ABCC3: variants seen among roughly 807,000 people sequenced by gnomAD.
ABCC3 encodes the protein ATP-binding cassette sub-family C member 3.
A neutral mutation model predicts 165.3 loss-of-function variants in ABCC3; 121 were observed. That is an observed-to-expected ratio of 0.73 (90% CI 0.63 to 0.85). ABCC3 has a LOEUF of 0.85. Ranked by LOEUF, ABCC3 falls within the 40% of genes least tolerant of loss-of-function variation. ABCC3 has a pLI of 0.00. For synonymous variants in ABCC3, 733 were observed against 810.1 expected, an observed-to-expected ratio of 0.90 and a Z score of 1.62; for missense variants, 1,869 against 1,964.1, an observed-to-expected ratio of 0.95 and a Z score of 0.92.
intron 16 of ABCC3, 28 bp from the exon 17 acceptor site, chr17:50,669,324 C>A (rs370183066): frequency 2.5e-6 from 4 of 1,614,040 alleles, no homozygotes; most frequent in Non-Finnish European, 3.4e-6. Context: ...CTTGGGCAAG[C>A]CCCGAGGTAA....
At chr17:50,674,858 G>A (rs1184821588) in intron 19 of ABCC3, among the ~76,000 whole-genome samples, 1 of 148,742 alleles carries the variant, frequency 6.7e-6, no homozygotes, top group Non-Finnish European at 1.5e-5. Context: ...GGAGTGCAAC[G>A]GTGCGATCTT....
At chr17:50,680,284 G>T (rs1382946694) in intron 26 of ABCC3, among the ~76,000 whole-genome samples, 4 of 152,206 alleles carry the variant, frequency 2.6e-5, no homozygotes, top group Non-Finnish European at 5.9e-5. Context: ...AAGTAAGATG[G>T]TGGGGTGGGC....
At chr17:50,635,138 G>A in intron 1 of ABCC3, 157 bp downstream of exon 1, 1 of 826,434 alleles carries the variant, frequency 1.2e-6, no homozygotes. Flanking sequence ...GCTCGGGAGG[G>A]AGGTTGGCTG....
At chr17:50,645,328 T>G (rs1966983121) in intron 1 of ABCC3, among the ~76,000 whole-genome samples, 1 of 134,696 alleles carries the variant, frequency 7.4e-6, no homozygotes, top group Non-Finnish European at 1.5e-5. Context: ...AAGCCAAGAT[T>G]GTGCCACTGC....
At chr17:50,682,368 A>T (rs2146640994) in intron 26 of ABCC3, among the ~76,000 whole-genome samples, 1 of 150,242 alleles carries the variant, frequency 6.7e-6, no homozygotes, top group East Asian at 2.0e-4. Context: ...AAAAAAAATC[A>T]AATCACGTCA....
At chr17:50,671,647 G>A (rs1490145315) in intron 17 of ABCC3, among the ~76,000 whole-genome samples, 3 of 150,216 alleles carry the variant, frequency 2.0e-5, no homozygotes, top group Non-Finnish European at 3.0e-5. Flanking sequence ...GCCATACAGG[G>A]CATCCCATGG....
chr17:50,643,060 C>T (rs1041141498), intron 1 of ABCC3, among the ~76,000 whole-genome samples: 2 of 152,224 alleles, frequency 1.3e-5, no homozygotes, highest in African/African-American at 2.4e-5. Flanking sequence ...GCGGGAGAAA[C>T]ATTAGGGGCC....
intron 19 of ABCC3, among the ~76,000 whole-genome samples, chr17:50,675,055 C>A (rs1169722407): frequency 6.6e-6 from 1 of 152,178 alleles, no homozygotes; most frequent in Non-Finnish European, 1.5e-5. Context: ...GCCTCAGCCT[C>A]CCAAAGTGCT....
intron 1 of ABCC3, 29 bp downstream of exon 1, chr17:50,635,010 G>C: frequency 8.0e-7 from 1 of 1,253,778 alleles, no homozygotes; most frequent in Non-Finnish European, 1.0e-6. Context: ...GGGTCACTGC[G>C]CGGGGGCCAG....
Position 50,684,717 on chromosome 17 carries a change from C to G in ABCC3, c.4122C>G (p.Ile1374Met). 6.2e-7 allele frequency: 1 copy of G among 1,613,986 alleles called. No individual in the cohort carries two copies. The highest frequency in any genetic ancestry group is 2.2e-5 in the East Asian group (1 of 44,878). ...SQLTIIPQDP[I>M]LFSGTLRMNL... ...CCACGTTGTATCCCCAGGACCCCAT[C>G]CTGTTCTCGGGGACCCTGCGCATGA... is the stretch of plus-strand genomic sequence containing the variant. The change falls in exon 29 of 31, where the codon ATC becomes ATG. Residue 1374 changes from isoleucine to methionine, a missense_variant. Ile to Met is a conservative substitution (Grantham distance 10). Transcript: ENST00000285238.
chr17:50,671,702 C>CTTCT, intron 17 of ABCC3, among the ~76,000 whole-genome samples: 1 of 56,372 alleles, frequency 1.8e-5, no homozygotes, highest in Non-Finnish European at 3.5e-5. Context: ...TCCTTCCTTC[C>CTTCT]TTTTTTTTTT....
intron 1 of ABCC3, among the ~76,000 whole-genome samples, chr17:50,651,717 A>G (rs1967119667): frequency 1.3e-5 from 2 of 152,164 alleles, no homozygotes; most frequent in South Asian, 2.1e-4. Context: ...TAGAGACCCT[A>G]TTTCAAAAAA....
At chr17:50,648,289 G>C (rs1049492112) in intron 1 of ABCC3, among the ~76,000 whole-genome samples, 1 of 152,184 alleles carries the variant, frequency 6.6e-6, no homozygotes, top group Non-Finnish European at 1.5e-5. Flanking sequence ...AGGCCATTTG[G>C]AGTCTGTAAA....
intron 30 of ABCC3, among the ~76,000 whole-genome samples, chr17:50,688,024 G>A (rs2015146): frequency 1 from 151,377 of 151,692 alleles, 75,531 homozygotes; most frequent in Middle Eastern, 1. Flanking sequence ...GCTCACTGCA[G>A]CCTCAGCCTC....
intron 23 of ABCC3, among the ~76,000 whole-genome samples, chr17:50,677,378 G>A (rs1168875315): frequency 3.9e-5 from 6 of 152,172 alleles, no homozygotes; most frequent in African/African-American, 1.2e-4. Flanking sequence ...GTCAGTTCCC[G>A]GGGATAGATG....
intron 18 of ABCC3, 131 bp from the exon 19 acceptor site, chr17:50,673,338 G>T (rs948245548): frequency 1.2e-5 from 15 of 1,296,046 alleles, no homozygotes; most frequent in African/African-American, 2.9e-5. Context: ...CGAGCACAGG[G>T]TGAGTCACCC....
chr17:50,657,316 A>G (rs761489512), intron 4 of ABCC3, 133 bp downstream of exon 4: 123 of 1,234,920 alleles, frequency 1.0e-4, no homozygotes, highest in Non-Finnish European at 1.3e-4. Flanking sequence ...GTTGTTCTCC[A>G]CTTGCTACAT....
chr17:50,651,095 AC>A (rs1370895528), intron 1 of ABCC3, among the ~76,000 whole-genome samples: 2 of 148,746 alleles, frequency 1.3e-5, no homozygotes, highest in Non-Finnish European at 3.0e-5. Flanking sequence ...AGAATTCTTA[AC>A]CCTTAGTGAC....
At chr17:50,678,341 C>A in intron 25 of ABCC3, 122 bp downstream of exon 25, 17 of 982,338 alleles carry the variant, frequency 1.7e-5, no homozygotes, top group East Asian at 3.0e-5. Flanking sequence ...GGTCTGTTCT[C>A]AAGGACTGTG....
Sources: gnomAD v4.1 joint callset for allele counts (sites outside exome capture counted in the v4.1 genomes callset) on GRCh38, gnomAD v4.1.1 for gene constraint, MANE v1.5 for transcripts, NCBI Gene and HGNC (gene_info 2026-07-23, HGNC 2026-07-21) for gene names.